The following PREX2 variants were observed in gnomAD, a reference collection of about 807,000 sequenced individuals.
PREX2 encodes phosphatidylinositol 3,4,5-trisphosphate-dependent Rac exchanger 2 protein.
A neutral mutation model predicts 203.2 loss-of-function variants in PREX2; 107 were observed. The ratio of observed to expected loss-of-function variants is 0.53; its 90% CI spans 0.45 to 0.62. The LOEUF (loss-of-function observed/expected upper bound fraction) is 0.62. Among genes scored for constraint, PREX2 ranks in the 20% least tolerant of loss-of-function variants. PREX2 has a pLI of 0.00. For missense variants in PREX2, 1,777 were observed against 1,955.9 expected (o/e 0.91, Z 1.72); for synonymous variants, 672 against 663.6 (o/e 1.01, Z -0.19).
At chr8:67,994,218 T>G (rs1294132017) in intron 1 of PREX2, among the ~76,000 whole-genome samples, 5 of 152,192 alleles carry the variant, frequency 3.3e-5, no homozygotes, top group Non-Finnish European at 1.5e-5. Flanking sequence ...AACTTAATTC[T>G]CAGAAACGTG....
chr8:67,980,119 G>GC (rs1419669489), intron 1 of PREX2, among the ~76,000 whole-genome samples: 9 of 152,196 alleles, frequency 5.9e-5, no homozygotes, highest in African/African-American at 9.6e-5. Context: ...ATGCAAAAGA[G>GC]TAGCGTGATA....
At chr8:68,098,530 T>C (rs1373087484) in intron 22 of PREX2, among the ~76,000 whole-genome samples, 2 of 152,152 alleles carry the variant, frequency 1.3e-5, no homozygotes, top group East Asian at 3.8e-4. Flanking sequence ...TACATTATAG[T>C]ATTCATGGGA....
At chr8:68,036,681 T>C (rs555198060) in intron 6 of PREX2, among the ~76,000 whole-genome samples, 171 of 152,204 alleles carry the variant, frequency 1.1e-3, no homozygotes, top group African/African-American at 4.0e-3. Context: ...TGTGGTGGCT[T>C]ATGCCTGTAA....
At chr8:67,969,460 G>A (rs566213687) in intron 1 of PREX2, among the ~76,000 whole-genome samples, 2 of 152,186 alleles carry the variant, frequency 1.3e-5, no homozygotes, top group South Asian at 4.2e-4. Flanking sequence ...CTTTAGGCTT[G>A]TGATGACTCT....
At position 68,218,264 on chromosome 8, in the gene PREX2, G is replaced by A. The variant is rs147089208; in HGVS notation, c.4707+546G>A. On this transcript the variant is annotated intron_variant, in intron 38 of 39. Transcript: ENST00000288368. ...TCGGGTCACTGGAGTACTTATAGGC[G>A]AGAATATACTCTCTTATAAATAGAA... Among the ~76,000 whole-genome samples, 265 of 152,244 alleles carry A rather than the reference G, an allele frequency of 1.7e-3. 2 individuals carry two copies. The highest frequency in any genetic ancestry group is 6.0e-3 in the African/African-American group (251 of 41,542).
chr8:68,192,588 T>C, intron 37 of PREX2, 63 bp downstream of exon 37: 2 of 1,351,706 alleles, frequency 1.5e-6, no homozygotes, highest in Non-Finnish European at 2.0e-6. Flanking sequence ...ATGGTTTTTG[T>C]TTACATTTTG....
At chr8:68,035,359 G>A (rs1043210499) in intron 6 of PREX2, among the ~76,000 whole-genome samples, 3 of 152,118 alleles carry the variant, frequency 2.0e-5, no homozygotes, top group African/African-American at 7.2e-5. Context: ...CACTGTGAAT[G>A]CATCTAGCTC....
chr8:68,161,397 AT>A (rs1811651340), intron 35 of PREX2, among the ~76,000 whole-genome samples: 1 of 152,028 alleles, frequency 6.6e-6, no homozygotes, highest in Admixed American at 6.6e-5. Context: ...CTGGCCTAAA[AT>A]TTTCTATTAG....
chr8:68,227,579 G>T (rs971248213), intron 39 of PREX2, among the ~76,000 whole-genome samples: 7 of 152,158 alleles, frequency 4.6e-5, no homozygotes, highest in Non-Finnish European at 8.8e-5. Flanking sequence ...GGTAGGTGAA[G>T]ACACAGAAAT....
chr8:67,983,762 T>G (rs568596363), intron 1 of PREX2, among the ~76,000 whole-genome samples: 4 of 152,212 alleles, frequency 2.6e-5, no homozygotes, highest in Admixed American at 1.3e-4. Context: ...TCCTTAGTAG[T>G]GATTAGGGTT....
chr8:68,077,546 T>G, intron 15 of PREX2, 77 bp downstream of exon 15: 1 of 1,052,578 alleles, frequency 9.5e-7, no homozygotes, highest in Non-Finnish European at 1.5e-6. Context: ...CACCCAGTGC[T>G]GCAGTGAGGT....
At chr8:68,180,993 T>C (rs1414244966) in intron 35 of PREX2, among the ~76,000 whole-genome samples, 1 of 152,178 alleles carries the variant, frequency 6.6e-6, no homozygotes, top group Non-Finnish European at 1.5e-5. Flanking sequence ...GCAGGGAAGA[T>C]TCAATATTGC....
At chr8:68,207,858 G>C (rs912803639) in intron 37 of PREX2, among the ~76,000 whole-genome samples, 6 of 152,130 alleles carry the variant, frequency 3.9e-5, no homozygotes, top group African/African-American at 1.4e-4. Flanking sequence ...GTATGAAACA[G>C]TGGGGTAAGA....
chr8:68,028,869 T>A (rs1016524799), intron 5 of PREX2, among the ~76,000 whole-genome samples: 68 of 152,052 alleles, frequency 4.5e-4, no homozygotes, highest in African/African-American at 1.6e-3. Flanking sequence ...GTATTTGAAC[T>A]GACCTCCCAA....
At chr8:68,042,657 T>TAATA (rs1291905922) in intron 7 of PREX2, among the ~76,000 whole-genome samples, 1 of 152,148 alleles carries the variant, frequency 6.6e-6, no homozygotes, top group African/African-American at 2.4e-5. Context: ...AGGAATTAAA[T>TAATA]AATAGAATCA....
chr8:68,127,161 G>A (rs1046116827), intron 30 of PREX2, among the ~76,000 whole-genome samples: 7 of 152,076 alleles, frequency 4.6e-5, no homozygotes, highest in African/African-American at 7.2e-5. Flanking sequence ...ACAGGCAAGC[G>A]TAGCATGTCA....
chr8:68,152,298 A>AAACAAAAC (rs963720357), intron 34 of PREX2, among the ~76,000 whole-genome samples: 14 of 150,988 alleles, frequency 9.3e-5, no homozygotes, highest in Non-Finnish European at 1.6e-4. Flanking sequence ...AGAAAAAAAA[A>AAACAAAAC]AAAAAAAAAA....
intron 39 of PREX2, among the ~76,000 whole-genome samples, chr8:68,224,966 G>T (rs574494114): frequency 6.6e-6 from 1 of 152,046 alleles, no homozygotes; most frequent in African/African-American, 2.4e-5. Context: ...TAGCATGATT[G>T]CCTTTCCCAT....
At position 68,144,459 on chromosome 8, in the gene PREX2, G is replaced by A. The variant is rs552258352; in HGVS notation, c.4088-1750G>A. 1.7e-4 allele frequency among the ~76,000 whole-genome samples: 26 copies of A among 152,016 alleles called. 1 individual carries two copies. The highest frequency in any genetic ancestry group is 6.3e-4 in the African/African-American group (26 of 41,386). ...TTTTGGGGAGGTGCTAATATAAATG[G>A]TATTATGTTGTTAATTTCAAATTCC... On this transcript the variant is annotated intron_variant, in intron 33 of 39. Coordinates refer to ENST00000288368, the MANE Select transcript of PREX2 (RefSeq NM_024870.4).
Sources: gnomAD v4.1 joint callset for allele counts (sites outside exome capture counted in the v4.1 genomes callset) on GRCh38, gnomAD v4.1.1 for gene constraint, MANE v1.5 for transcripts, NCBI Gene and HGNC (gene_info 2026-07-23, HGNC 2026-07-21) for gene names.